The following BCLAF1 variants were observed in gnomAD, a reference collection of about 807,000 sequenced individuals.
The protein encoded by BCLAF1 is bcl-2-associated transcription factor 1.
A neutral mutation model predicts 99.5 loss-of-function variants in BCLAF1; 10 were observed. The observed-to-expected ratio is 0.10, with a 90% confidence interval of 0.06 to 0.17. BCLAF1 has a LOEUF of 0.17. Among genes scored for constraint, BCLAF1 ranks in the 10% least tolerant of loss-of-function variants. BCLAF1 has a pLI of 1.00. For synonymous variants in BCLAF1, 255 were observed against 370.9 expected, an observed-to-expected ratio of 0.69 and a Z score of 3.59; for missense variants, 636 against 1,105.8, an observed-to-expected ratio of 0.58 and a Z score of 6.02.
At chr6:136,279,701 T>C in intron 3 of BCLAF1, 62 bp downstream of exon 3, 1 of 1,374,462 alleles carries the variant, frequency 7.3e-7, no homozygotes, top group African/African-American at 1.5e-5. Flanking sequence ...GTGTTTACGA[T>C]ACTCATTCAA....
intron 1 of BCLAF1, among the ~76,000 whole-genome samples, chr6:136,287,606 T>C (rs1785322531): frequency 6.6e-6 from 1 of 152,228 alleles, no homozygotes; most frequent in South Asian, 2.1e-4. Context: ...CAACTACTGA[T>C]TTCCAACGTA....
intron 4 of BCLAF1, 109 bp downstream of exon 4, chr6:136,277,756 G>GC (rs1783630492): frequency 2.8e-6 from 2 of 706,060 alleles, no homozygotes; most frequent in Non-Finnish European, 4.1e-6. Context: ...GAAGTCAAGA[G>GC]TAAAAACCGC....
At position 136,271,983 on chromosome 6, in the gene BCLAF1, T is replaced by A; in HGVS notation, c.2043+12A>T. On this transcript the variant is annotated intron_variant, in intron 8 of 12. Coordinates refer to ENST00000531224, the MANE Select transcript of BCLAF1 (RefSeq NM_014739.3). ...AACTTAACACGAAAAAAAATTACAT[T>A]CAAAAACATACCTTTTGATTTTCTT... 6.3e-7 allele frequency: 1 copy of A among 1,582,886 alleles called. No individual in the cohort carries two copies. Among genetic ancestry groups the A allele is most frequent in the Non-Finnish European group, 8.6e-7 (1 of 1,156,876 alleles).
At chr6:136,284,126 G>GTATATATATATA (rs1212310238) in intron 1 of BCLAF1, among the ~76,000 whole-genome samples, 2 of 76,120 alleles carry the variant, frequency 2.6e-5, no homozygotes, top group African/African-American at 1.7e-4. Context: ...ATGTGTGTGT[G>GTATATATATATA]TGTGTATATA....
Position 136,261,250 on chromosome 6 carries a change from G to T in BCLAF1, c.2757+15C>A. ...CAAAAAAAATCTGTCAGAATCACAA[G>T]TTGAAATTTTATACCTTTTCTTCCT... On this transcript the variant is annotated intron_variant, in intron 12 of 12. Transcript: ENST00000531224. The T allele has an allele frequency of 6.2e-7, 1 of 1,607,126 alleles. No individual in the cohort carries two copies. The highest frequency in any genetic ancestry group is 8.5e-7 in the Non-Finnish European group (1 of 1,177,604).
chr6:136,260,257 GT>G lies in BCLAF1; in HGVS notation c.*852del, dbSNP rs1350134902. On this transcript the variant is annotated 3_prime_UTR_variant, in exon 13 of 13. Transcript: ENST00000531224. ...CCTACATACCAACCCCAGGATTACA[GT>G]TTTTCTTCTGTTTAAAACTAGGATG... is the stretch of plus-strand genomic sequence containing the variant. 2.6e-5 allele frequency: 4 copies of G among 151,964 alleles called. No individual in the cohort carries two copies. The highest frequency in any genetic ancestry group is 9.7e-5 in the African/African-American group (4 of 41,416). The allele number at this position is 151,964 out of a possible 1,614,324, so 9.4% of individuals were successfully genotyped here. A position where few individuals can be genotyped will look rare whatever the true frequency, so the allele number is the denominator to read the frequency against.
At chr6:136,289,140 C>T (rs564818957) in intron 1 of BCLAF1, among the ~76,000 whole-genome samples, 1 of 152,204 alleles carries the variant, frequency 6.6e-6, no homozygotes, top group South Asian at 2.1e-4. Flanking sequence ...CATTAACTGA[C>T]GGGTGGTCTG....
intron 11 of BCLAF1, among the ~76,000 whole-genome samples, chr6:136,266,522 A>G (rs946177210): frequency 1.3e-5 from 2 of 152,106 alleles, no homozygotes; most frequent in Non-Finnish European, 2.9e-5. Flanking sequence ...CACAGGAAGC[A>G]CCAAATTAGT....
chr6:136,269,836 A>T (rs1336545182), intron 8 of BCLAF1: 1 of 353,068 alleles, frequency 2.8e-6, no homozygotes, highest in Non-Finnish European at 5.0e-6. Flanking sequence ...TGGGGAAATT[A>T]TTAAAAGCTA....
At position 136,283,008 on chromosome 6, in the gene BCLAF1, A is replaced by G. The variant is rs138717723; in HGVS notation, c.-114-321T>C. 4.1e-4 allele frequency among the ~76,000 whole-genome samples: 63 copies of G among 152,030 alleles called. 1 individual carries two copies. The East Asian group carries it at 0.012, about 28-fold the overall frequency. ...ATTCCAACGTAGCTAACATAATGCC[A>G]TCTTGGTAGCGGGGCAAGGTAGCAC... On this transcript the variant is annotated intron_variant, in intron 1 of 12. Transcript: ENST00000531224.
intron 1 of BCLAF1, among the ~76,000 whole-genome samples, chr6:136,283,289 G>A (rs576244450): frequency 6.7e-6 from 1 of 150,136 alleles, no homozygotes; most frequent in East Asian, 2.0e-4. Context: ...TTCTCTTTTG[G>A]TACTTCCTTT....
At chr6:136,284,349 A>C (rs1784831788) in intron 1 of BCLAF1, among the ~76,000 whole-genome samples, 1 of 152,044 alleles carries the variant, frequency 6.6e-6, no homozygotes, top group African/African-American at 2.4e-5. Flanking sequence ...TAATACACAA[A>C]ATGTAACACA....
chr6:136,260,810 C>A lies in BCLAF1; in HGVS notation c.*300G>T, dbSNP rs1482610694. On this transcript the variant is annotated 3_prime_UTR_variant, in exon 13 of 13. Transcript: ENST00000531224. ...GAATCAGAACTTTCACAGAGCTGTACTTGACCATATCTTATAGACAAAGCA... is the reference window on the plus strand; with the variant it reads ...GAATCAGAACTTTCACAGAGCTGTAATTGACCATATCTTATAGACAAAGCA... 2 of 426,576 alleles carry A rather than the reference C, an allele frequency of 4.7e-6. No homozygotes were observed. Among genetic ancestry groups the A allele is most frequent in the Non-Finnish European group, 8.3e-6 (2 of 241,552 alleles). 26.4% of individuals were successfully genotyped at this position (426,576 alleles called of 1,614,324 possible).
intron 8 of BCLAF1, among the ~76,000 whole-genome samples, chr6:136,270,117 TAAAA>T (rs890298174): frequency 7.0e-6 from 1 of 142,332 alleles, no homozygotes; most frequent in African/African-American, 2.6e-5. Flanking sequence ...ACCAACCCAA[TAAAA>T]AAAAAAACTT....
Position 136,257,976 on chromosome 6 carries a change from A to AATG in BCLAF1, c.*3131_*3133dup. On this transcript the variant is annotated 3_prime_UTR_variant, in exon 13 of 13. Transcript: ENST00000531224. Reference sequence around the variant, plus strand: ...AATTATCCAGTATAATTAAGCTACCAATGATCTTACACAACACTTTACATG... The same window carrying AATG: ...AATTATCCAGTATAATTAAGCTACCAATGATGATCTTACACAACACTTTACATG... 6.6e-6 allele frequency: 1 copy of AATG among 152,276 alleles called. No homozygotes were observed. Among genetic ancestry groups the AATG allele is most frequent in the Non-Finnish European group, 1.5e-5 (1 of 67,956 alleles). The allele number at this position is 152,276 out of a possible 1,614,324, so 9.4% of individuals were successfully genotyped here.
intron 11 of BCLAF1, 30 bp downstream of exon 11, chr6:136,266,999 A>G (rs745745742): frequency 5.0e-6 from 8 of 1,610,144 alleles, no homozygotes; most frequent in Non-Finnish European, 6.8e-6. Flanking sequence ...ATTAATGCAA[A>G]CCAAATAAAC....
intron 11 of BCLAF1, 71 bp from the exon 12 acceptor site, chr6:136,261,548 T>C: frequency 6.9e-7 from 1 of 1,458,314 alleles, no homozygotes; most frequent in South Asian, 1.2e-5. Flanking sequence ...CAATCATAAA[T>C]CACAGTATTA....
chr6:136,265,021 G>GA (rs1781530897), intron 11 of BCLAF1, among the ~76,000 whole-genome samples: 1 of 152,152 alleles, frequency 6.6e-6, no homozygotes, highest in African/African-American at 2.4e-5. Flanking sequence ...GAATGCCATA[G>GA]AAAAACGGCC....
chr6:136,261,834 TAA>T (rs1416744948), intron 11 of BCLAF1, among the ~76,000 whole-genome samples: 4 of 152,066 alleles, frequency 2.6e-5, no homozygotes, highest in Non-Finnish European at 4.4e-5. Flanking sequence ...GAGATAAAAT[TAA>T]GTTTTTCCCA....
Sources: gnomAD v4.1 joint callset for allele counts (sites outside exome capture counted in the v4.1 genomes callset) on GRCh38, gnomAD v4.1.1 for gene constraint, MANE v1.5 for transcripts, NCBI Gene and HGNC (gene_info 2026-07-23, HGNC 2026-07-21) for gene names.